The following GRID1 variants were observed in gnomAD, a reference collection of about 807,000 sequenced individuals.
GRID1 encodes glutamate ionotropic receptor delta type subunit 1, also known as glutamate receptor ionotropic, delta-1.
GRID1 carries 28 observed loss-of-function variants against 98.0 expected under a neutral mutation model. The observed-to-expected ratio is 0.29, with a 90% CI of 0.21 to 0.39. GRID1 has a LOEUF of 0.39. GRID1 is among the 10% of genes least tolerant of loss of function. GRID1 has a pLI of 1.00. For synonymous variants in GRID1, 553 were observed against 538.5 expected, an observed-to-expected ratio of 1.03 and a Z score of -0.37; for missense variants, 1,111 against 1,340.5, an observed-to-expected ratio of 0.83 and a Z score of 2.67.
At chr10:86,303,206 C>T (rs1013569071) in intron 2 of GRID1, among the ~76,000 whole-genome samples, 1 of 152,188 alleles carries the variant, frequency 6.6e-6, no homozygotes, top group African/African-American at 2.4e-5. Context: ...CTGTAATTTA[C>T]TTTGAAATAT....
At chr10:85,675,563 T>C (rs560193653) in intron 12 of GRID1, among the ~76,000 whole-genome samples, 3 of 152,302 alleles carry the variant, frequency 2.0e-5, no homozygotes, top group South Asian at 2.1e-4. Flanking sequence ...TCTGAGAAAA[T>C]GACAAAGCAA....
intron 8 of GRID1, among the ~76,000 whole-genome samples, chr10:85,832,556 G>T (rs1372033416): frequency 6.6e-6 from 1 of 152,102 alleles, no homozygotes; most frequent in African/African-American, 2.4e-5. Context: ...AGATGATGTA[G>T]ACTCATTTCT....
chr10:86,308,872 C>T (rs562449638), intron 2 of GRID1, among the ~76,000 whole-genome samples: 1 of 152,286 alleles, frequency 6.6e-6, no homozygotes, highest in Non-Finnish European at 1.5e-5. Flanking sequence ...AACCCACTCC[C>T]TCAATGACAT....
intron 12 of GRID1, among the ~76,000 whole-genome samples, chr10:85,672,661 C>G (rs564020170): frequency 2.2e-4 from 34 of 152,162 alleles, no homozygotes; most frequent in Middle Eastern, 3.4e-3. Context: ...CTGTTTACAG[C>G]ATGGCTTACT....
chr10:85,774,882 C>T (rs375200896), intron 8 of GRID1, among the ~76,000 whole-genome samples: 3,535 of 147,170 alleles, frequency 0.024, 49 homozygotes, highest in Non-Finnish European at 0.031. Context: ...TTGGTGGGAC[C>T]GTAAACTAGT....
intron 4 of GRID1, among the ~76,000 whole-genome samples, chr10:86,113,415 C>G (rs1265862413): frequency 6.6e-6 from 1 of 152,196 alleles, no homozygotes; most frequent in Non-Finnish European, 1.5e-5. Flanking sequence ...TGGTAAAGGT[C>G]TCCCTTACAA....
chr10:85,800,236 C>T (rs1303491634), intron 8 of GRID1, among the ~76,000 whole-genome samples: 2 of 151,302 alleles, frequency 1.3e-5, no homozygotes, highest in Non-Finnish European at 3.0e-5. Flanking sequence ...AAACCAATGG[C>T]CAAAATTATA....
intron 8 of GRID1, among the ~76,000 whole-genome samples, chr10:85,845,559 T>C (rs1842997525): frequency 6.6e-6 from 1 of 152,206 alleles, no homozygotes. Context: ...AATTTTAAAA[T>C]GTATAAGAAA....
At chr10:86,140,900 T>C (rs1389721443) in intron 3 of GRID1, among the ~76,000 whole-genome samples, 1 of 152,048 alleles carries the variant, frequency 6.6e-6, no homozygotes, top group Non-Finnish European at 1.5e-5. Flanking sequence ...TGTTGGTGCA[T>C]GGGGAGGGCA....
At chr10:86,257,320 C>T (rs148638575) in intron 2 of GRID1, among the ~76,000 whole-genome samples, 1 of 152,318 alleles carries the variant, frequency 6.6e-6, no homozygotes, top group East Asian at 1.9e-4. Flanking sequence ...TTATCAATGA[C>T]TGCAGAGGAT....
rs752041663 is a variant in GRID1, at chr10:86,138,897, C to T, written c.648G>A (p.Glu216=). 5.6e-6 allele frequency: 9 copies of T among 1,614,100 alleles called. No homozygotes were observed. The highest frequency in any genetic ancestry group is 3.3e-5 in the South Asian group (3 of 91,090). ...GAAGCGTGTCCCGGTAGCGATTCAG[C>T]TCCTCTGTCTTCATCGTGGTGAAGA... ...TSLFTTMKTE[E]LNRYRDTLRR... The change falls in exon 4 of 16, where the codon GAG becomes GAA. Residue 216 remains glutamate (E), a synonymous_variant. Coordinates refer to ENST00000327946, the MANE Select transcript of GRID1 (RefSeq NM_017551.3).
In GRID1 at chr10:85,825,786, T is replaced by TA. The variant is rs935660239; in HGVS notation, c.1233+28709dup. On this transcript the variant is annotated intron_variant, in intron 8 of 15. Transcript: ENST00000327946. ...CACAAAAAGAGAATGGAAAAAATAG[T>TA]AAAAAACAACTGGACAAAAAATATG... Among the ~76,000 whole-genome samples the TA allele has an allele frequency of 3.9e-5, 6 of 152,020 alleles. No homozygotes were observed. The East Asian group carries it at 9.7e-4, about 25-fold the overall frequency.
chr10:85,669,147 G>A lies in GRID1; in HGVS notation c.1998-21750C>T, dbSNP rs545583367. Reference sequence around the variant, plus strand: ...GCCTGACTTGTCTTCCATGTCCAACGGCTATTTCATAACCATTACCCAAAT... The same window carrying A: ...GCCTGACTTGTCTTCCATGTCCAACAGCTATTTCATAACCATTACCCAAAT... On this transcript the variant is annotated intron_variant, in intron 12 of 15. Coordinates refer to ENST00000327946, the MANE Select transcript of GRID1 (RefSeq NM_017551.3). Among the ~76,000 whole-genome samples, 6 of 152,308 alleles carry A rather than the reference G, an allele frequency of 3.9e-5. No homozygotes were observed. In the South Asian group the frequency reaches 8.3e-4, roughly 21 times the overall value.
chr10:86,115,988 C>G (rs1192202114), intron 4 of GRID1, among the ~76,000 whole-genome samples: 1 of 152,136 alleles, frequency 6.6e-6, no homozygotes, highest in Non-Finnish European at 1.5e-5. Context: ...CGGCACAGTC[C>G]CATGCTATGC....
chr10:85,869,278 A>G (rs1166645176), intron 5 of GRID1, 98 bp from the exon 6 acceptor site: 2 of 1,071,274 alleles, frequency 1.9e-6, no homozygotes, highest in East Asian at 4.8e-5. Context: ...TGAAAAGCTG[A>G]TGCCAAAGAG....
intron 4 of GRID1, among the ~76,000 whole-genome samples, chr10:86,116,293 T>C (rs923258469): frequency 4.6e-5 from 7 of 152,014 alleles, no homozygotes; most frequent in African/African-American, 1.5e-4. Flanking sequence ...ACATGAAAAA[T>C]AAGTATCTGG....
At position 85,756,161 on chromosome 10, in the gene GRID1, T is replaced by A. The variant is rs182127019; in HGVS notation, c.1234-26547A>T. On this transcript the variant is annotated intron_variant, in intron 8 of 15. Coordinates refer to ENST00000327946, the MANE Select transcript of GRID1 (RefSeq NM_017551.3). ...CGTTTCTGTTCATGTTCTTCTCCCA[T>A]AAATTTAATCCCCTTTTCATCTTAA... is the stretch of plus-strand genomic sequence containing the variant. Among the ~76,000 whole-genome samples the A allele has an allele frequency of 5.3e-3, 814 of 152,324 alleles. 2 individuals are homozygous for A. The highest frequency in any genetic ancestry group is 7.9e-3 in the Non-Finnish European group (538 of 68,036).
chr10:85,990,076 A>G (rs1842661617), intron 4 of GRID1, among the ~76,000 whole-genome samples: 2 of 152,202 alleles, frequency 1.3e-5, no homozygotes, highest in Admixed American at 1.3e-4. Context: ...TGTGAGAACT[A>G]AATTCCTGTA....
intron 5 of GRID1, among the ~76,000 whole-genome samples, chr10:85,889,013 T>C (rs917844592): frequency 1.3e-5 from 2 of 152,242 alleles, no homozygotes; most frequent in African/African-American, 4.8e-5. Context: ...TCAGATGTGA[T>C]ATTCCTGAAA....
Sources: gnomAD v4.1 joint callset for allele counts (sites outside exome capture counted in the v4.1 genomes callset) on GRCh38, gnomAD v4.1.1 for gene constraint, MANE v1.5 for transcripts, NCBI Gene and HGNC (gene_info 2026-07-23, HGNC 2026-07-21) for gene names.